Variants in DICER1 observed in about 807,000 individuals in gnomAD.
DICER1 encodes dicer 1, ribonuclease III.
DICER1 carries 43 observed loss-of-function variants against 194.1 expected under a neutral mutation model. The ratio of observed to expected loss-of-function variants is 0.22; its 90% CI spans 0.17 to 0.29. DICER1 has a LOEUF of 0.29. DICER1 is among the 10% of genes least tolerant of loss of function. The probability of loss-of-function intolerance (pLI) is 1.00; values close to 1 mark genes in which losing one functional copy is unlikely to be tolerated. For missense variants in DICER1, 1,608 were observed against 2,317.0 expected (o/e 0.69, Z 6.28); for synonymous variants, 832 against 820.5 (o/e 1.01, Z -0.24).
intron 1 of DICER1, among the ~76,000 whole-genome samples, chr14:95,146,711 C>T (rs1322963930): frequency 1.3e-5 from 2 of 152,120 alleles, no homozygotes; most frequent in Non-Finnish European, 2.9e-5. Flanking sequence ...CCAGGTGTGG[C>T]ACAGGCAGGC....
At chr14:95,156,365 A>AT (rs1393978275) in intron 1 of DICER1, among the ~76,000 whole-genome samples, 1 of 152,186 alleles carries the variant, frequency 6.6e-6, no homozygotes, top group Admixed American at 6.5e-5. Context: ...TAGACCAGTA[A>AT]CGTGTCCCTT....
At chr14:95,102,848 G>A (rs1233699833) in intron 21 of DICER1, among the ~76,000 whole-genome samples, 4 of 152,170 alleles carry the variant, frequency 2.6e-5, no homozygotes. Context: ...GCCAAGCTCT[G>A]TGAAGCTTGT....
chr14:95,131,361 T>A (rs1893933342), intron 4 of DICER1, 148 bp downstream of exon 4: 5 of 736,476 alleles, frequency 6.8e-6, no homozygotes, highest in Non-Finnish European at 1.2e-5. Flanking sequence ...CAGTAAGATA[T>A]AGTACATCAG....
rs987536078 is a variant in DICER1 at position 95,124,806 on chromosome 14, T to C, written c.904-138A>G. On this transcript the variant is annotated intron_variant, in intron 7 of 26. Coordinates refer to ENST00000343455, the MANE Select transcript of DICER1 (RefSeq NM_177438.3). The surrounding 1 kb of genome is among the most constrained non-coding windows in gnomAD (Gnocchi z 4.5). ...CAGCCTTAGGTTAAGTCCCTGAAGG[T>C]GGGGGGAGAGGCCATTAGCCTTTTC... The C allele has an allele frequency of 4.9e-5, 35 of 719,410 alleles. No individual in the cohort carries two copies. Among genetic ancestry groups the C allele is most frequent in the Non-Finnish European group, 7.5e-5 (32 of 427,856 alleles). The allele number at this position is 719,410 out of a possible 1,614,324, so 44.6% of individuals were successfully genotyped here.
intron 12 of DICER1, 48 bp downstream of exon 12, chr14:95,113,044 T>C (rs1339192917): frequency 6.3e-7 from 1 of 1,595,016 alleles, no homozygotes; most frequent in South Asian, 1.1e-5. Flanking sequence ...AAAAATCCAC[T>C]AATGACACAT....
intron 1 of DICER1, among the ~76,000 whole-genome samples, chr14:95,137,030 T>C (rs929077074): frequency 4.8e-5 from 7 of 144,746 alleles, no homozygotes; most frequent in Admixed American, 1.4e-4. Flanking sequence ...AAGGTATAAG[T>C]AGAAAAGAGG....
Position 95,099,996 on chromosome 14 carries a change from G to T in DICER1, c.4051-61C>A. 1.9e-6 allele frequency: 3 copies of T among 1,573,070 alleles called. No individual in the cohort carries two copies. In the South Asian group the frequency reaches 3.3e-5, roughly 18 times the overall value. ...TGATCACTGCTGGAATTCATTCAAG[G>T]CATATTAACATATCCTCAGTTAAAT... is the stretch of plus-strand genomic sequence containing the variant. On this transcript the variant is annotated intron_variant, in intron 21 of 26. Coordinates refer to ENST00000343455, the MANE Select transcript of DICER1 (RefSeq NM_177438.3).
At chr14:95,132,719 A>C (rs1182442842) in intron 2 of DICER1, 42 bp from the exon 3 acceptor site, 5 of 1,583,864 alleles carry the variant, frequency 3.2e-6, no homozygotes, top group Admixed American at 1.7e-5. Flanking sequence ...TTCTTACCTA[A>C]GTACAAAATT....
chr14:95,127,805 TTA>T (rs1893606397), intron 6 of DICER1, among the ~76,000 whole-genome samples: 1 of 152,244 alleles, frequency 6.6e-6, no homozygotes, highest in South Asian at 2.1e-4. Context: ...GATTTCATTA[TTA>T]TTAGTTTGTT....
chr14:95,092,667 T>C (rs1889951416), intron 24 of DICER1, among the ~76,000 whole-genome samples: 1 of 152,154 alleles, frequency 6.6e-6, no homozygotes, highest in African/African-American at 2.4e-5. Flanking sequence ...TGCCAGACCA[T>C]GACATTTCCA....
chr14:95,129,498 A>G lies in DICER1; in HGVS notation c.708T>C (p.Thr236=). The change falls in exon 6 of 27, where the codon ACT becomes ACC. Residue 236 remains threonine, a synonymous_variant. Transcript: ENST00000343455. ...TGTCTAAGACCACCAGGTCAGTTGC[A>G]GTTTCAGCATTACTCTTAAGAATTT... is the stretch of plus-strand genomic sequence containing the variant. ...LEKILKSNAE[T]ATDLVVLDRY... is the part of the protein sequence containing the mutation. 1 of 1,613,970 alleles carries G rather than the reference A, an allele frequency of 6.2e-7. No individual in the cohort carries two copies. Among genetic ancestry groups the G allele is most frequent in the Non-Finnish European group, 8.5e-7 (1 of 1,179,906 alleles).
chr14:95,105,108 C>A lies in DICER1; in HGVS notation c.3232G>T (p.Ala1078Ser), dbSNP rs1488726216. The change falls in exon 20 of 27, where the codon GCT (alanine) becomes TCT (serine). Residue 1078 changes from alanine to serine, a missense_variant. By Grantham distance (99) the Ala-to-Ser change is moderately conservative. This residue lies in a region of DICER1 where 79 missense variants were observed against 176.1 expected (regional missense o/e 0.45). Transcript: ENST00000343455. The surrounding 1 kb of genome is among the most constrained non-coding windows in gnomAD (Gnocchi z 4.9). Reference protein sequence around the residue: ...EELRAQTASDAGVGVRSLPAD... With the variant: ...EELRAQTASDSGVGVRSLPAD... ...GGAAGTGATCTGACTCCCACGCCAG[C>A]ATCGCTGGCAGTCTGGGCTCTTAGC... 1 of 1,614,206 alleles carries A rather than the reference C, an allele frequency of 6.2e-7. No individual in the cohort carries two copies. Among genetic ancestry groups the A allele is most frequent in the Non-Finnish European group, 8.5e-7 (1 of 1,180,028 alleles).
chr14:95,090,985 C>A, intron 26 of DICER1, 49 bp downstream of exon 26: 1 of 1,517,976 alleles, frequency 6.6e-7, no homozygotes, highest in Non-Finnish European at 9.1e-7. Flanking sequence ...AACTTTTCCC[C>A]TTTGATGTTT....
chr14:95,135,773 G>A (rs1236967571), intron 1 of DICER1, among the ~76,000 whole-genome samples: 15 of 152,128 alleles, frequency 9.9e-5, no homozygotes, highest in Admixed American at 9.8e-4. Context: ...TCCTCCATGT[G>A]TGTTTGTGTA....
At chr14:95,125,368 A>C (rs1164956185) in intron 7 of DICER1, among the ~76,000 whole-genome samples, 1 of 151,294 alleles carries the variant, frequency 6.6e-6, no homozygotes, top group African/African-American at 2.4e-5. Flanking sequence ...CCACAAGGTC[A>C]GGGCTCCTCA....
chr14:95,131,361 T>C, intron 4 of DICER1, 148 bp downstream of exon 4: 6 of 736,476 alleles, frequency 8.1e-6, no homozygotes, highest in South Asian at 3.1e-5. Context: ...CAGTAAGATA[T>C]AGTACATCAG....
chr14:95,098,553 T>TA (rs35599190), intron 22 of DICER1, among the ~76,000 whole-genome samples: 10,797 of 150,456 alleles, frequency 0.072, 1,299 homozygotes, highest in African/African-American at 0.25. Context: ...TGTTGTATCT[T>TA]AAAAAAAAAA....
chr14:95,100,513 T>G (rs1044542044), intron 21 of DICER1, among the ~76,000 whole-genome samples: 25 of 152,220 alleles, frequency 1.6e-4, no homozygotes, highest in African/African-American at 6.0e-4. Context: ...TTCAAGACAC[T>G]TTTATTCAAC....
At chr14:95,102,812 T>C (rs1891002275) in intron 21 of DICER1, among the ~76,000 whole-genome samples, 2 of 152,190 alleles carry the variant, frequency 1.3e-5, no homozygotes, top group Non-Finnish European at 2.9e-5. Flanking sequence ...AGAACTCTGG[T>C]GTCACCCTCT....
Sources: allele counts gnomAD v4.1 joint callset (sites outside exome capture counted in the v4.1 genomes callset), GRCh38; gene constraint gnomAD v4.1.1; regional missense constraint gnomAD v4.1.1; non-coding constraint Gnocchi (gnomAD v3.1); transcripts MANE v1.5; gene names NCBI Gene and HGNC (gene_info 2026-07-23, HGNC 2026-07-21).